CASTOR2: variants seen among roughly 807,000 people sequenced by gnomAD.
CASTOR2 encodes cytosolic arginine sensor for mTORC1 subunit 2.
CASTOR2 carries 8 observed loss-of-function variants against 31.2 expected under a neutral mutation model. That is an observed-to-expected ratio of 0.26 (90% CI 0.15 to 0.46). The LOEUF is 0.46. Among genes scored for constraint, CASTOR2 ranks in the 20% least tolerant of loss-of-function variants. CASTOR2 has a pLI of 0.99. For missense variants in CASTOR2, 216 were observed against 382.1 expected (o/e 0.57, Z 3.62); for synonymous variants, 162 against 158.7 (o/e 1.02, Z -0.16).
intron 1 of CASTOR2, among the ~76,000 whole-genome samples, chr7:75,006,846 GC>G (rs1210977859): frequency 1.5e-5 from 1 of 68,060 alleles, no homozygotes; most frequent in Admixed American, 1.6e-4. Flanking sequence ...GAGCACCCCC[GC>G]CCCCCCAGCC....
At chr7:75,016,101 G>A (rs1804858017) in intron 2 of CASTOR2, among the ~76,000 whole-genome samples, 3 of 152,232 alleles carry the variant, frequency 2.0e-5, no homozygotes, top group Admixed American at 2.0e-4. Flanking sequence ...GGGATGCAGT[G>A]TCAGAGTTCA....
chr7:75,010,132 C>T lies in CASTOR2; in HGVS notation c.184+2068C>T, dbSNP rs587692530. Among the ~76,000 whole-genome samples the T allele has an allele frequency of 6.4e-4, 98 of 152,106 alleles. 1 individual carries two copies. Among genetic ancestry groups the T allele is most frequent in the Non-Finnish European group, 1.1e-3 (76 of 68,014 alleles). ...GGTTAGAAGCAGCATGGGGAGACTTCTGCAGCATGGTCCTTTCTGGGGGCT... is the reference window on the plus strand; with the variant it reads ...GGTTAGAAGCAGCATGGGGAGACTTTTGCAGCATGGTCCTTTCTGGGGGCT... On this transcript the variant is annotated intron_variant, in intron 2 of 8. Transcript: ENST00000616305.
chr7:74,996,716 T>C (rs1424531157), intron 1 of CASTOR2, among the ~76,000 whole-genome samples: 8 of 49,334 alleles, frequency 1.6e-4, no homozygotes, highest in Non-Finnish European at 2.6e-4. Context: ...TGCCTGGTGC[T>C]TTTTTTTTTT....
chr7:74,978,104 ATTT>A (rs4029892), intron 1 of CASTOR2, among the ~76,000 whole-genome samples: 3 of 137,022 alleles, frequency 2.2e-5, no homozygotes, highest in African/African-American at 2.7e-5. Flanking sequence ...GCACACCCCA[ATTT>A]TTTTTTTTTT....
At chr7:75,013,198 A>G (rs1440912626) in intron 2 of CASTOR2, among the ~76,000 whole-genome samples, 9 of 152,266 alleles carry the variant, frequency 5.9e-5, no homozygotes, top group South Asian at 2.1e-4. Flanking sequence ...CACTCTTAAC[A>G]TGAGCCAGGG....
chr7:74,976,542 TCCTCCTC>T (rs1803813680), intron 1 of CASTOR2, among the ~76,000 whole-genome samples: 1 of 139,096 alleles, frequency 7.2e-6, no homozygotes, highest in African/African-American at 2.7e-5. Flanking sequence ...CTCCTCCTCC[TCCTCCTC>T]CTCCTCCTCC....
chr7:75,023,600 C>T (rs1036898461), intron 7 of CASTOR2, among the ~76,000 whole-genome samples: 9 of 151,718 alleles, frequency 5.9e-5, no homozygotes, highest in African/African-American at 1.7e-4. Flanking sequence ...CCACCACGCC[C>T]GGCTAATTCT....
At chr7:75,000,961 C>G (rs1804480334) in intron 1 of CASTOR2, among the ~76,000 whole-genome samples, 1 of 152,218 alleles carries the variant, frequency 6.6e-6, no homozygotes, top group South Asian at 2.1e-4. Context: ...CCGCACCCGG[C>G]AGGCCAGGCC....
At chr7:75,009,871 A>C (rs1331634751) in intron 2 of CASTOR2, among the ~76,000 whole-genome samples, 1 of 148,404 alleles carries the variant, frequency 6.7e-6, no homozygotes, top group Non-Finnish European at 1.5e-5. Flanking sequence ...TCTACCTGGC[A>C]TGCAGGCACT....
In CASTOR2 at chr7:75,028,255, A is replaced by G. The variant is rs1238557600; in HGVS notation, c.*3556A>G. On this transcript the variant is annotated 3_prime_UTR_variant, in exon 9 of 9. Transcript: ENST00000616305. Reference sequence around the variant, plus strand: ...CCTACATTGGCCTCCCAAGTAGGTGAGATTACAGGCACTCACCACCACACG... The same window carrying G: ...CCTACATTGGCCTCCCAAGTAGGTGGGATTACAGGCACTCACCACCACACG... Among the ~76,000 whole-genome samples, 3 of 151,466 alleles carry G rather than the reference A, an allele frequency of 2.0e-5. No individual in the cohort carries two copies. Among genetic ancestry groups the G allele is most frequent in the Non-Finnish European group, 2.9e-5 (2 of 67,960 alleles).
chr7:74,985,470 A>G (rs1468320082), intron 1 of CASTOR2, among the ~76,000 whole-genome samples: 7 of 148,778 alleles, frequency 4.7e-5, no homozygotes, highest in Non-Finnish European at 8.9e-5. Flanking sequence ...AGTGCCAACT[A>G]TTCTGGAGGC....
chr7:75,024,847 C>A lies in CASTOR2; in HGVS notation c.*148C>A. 6.5e-7 allele frequency: 1 copy of A among 1,541,822 alleles called. No homozygotes were observed. The highest frequency in any genetic ancestry group is 1.4e-5 in the African/African-American group (1 of 72,920). ...TGGGAGACTCCCTCGATTGCCAATC[C>A]CTCCAGGGCAGGGGCCCACGCCAAG... On this transcript the variant is annotated 3_prime_UTR_variant, in exon 9 of 9. Transcript: ENST00000616305.
At chr7:74,999,177 A>AT (rs1447060663) in intron 1 of CASTOR2, among the ~76,000 whole-genome samples, 1 of 151,086 alleles carries the variant, frequency 6.6e-6, no homozygotes, top group Admixed American at 6.6e-5. Context: ...TTGTATTTTT[A>AT]TTTTTATTTT....
chr7:74,983,071 C>T (rs1431967083), intron 1 of CASTOR2, among the ~76,000 whole-genome samples: 9 of 44,460 alleles, frequency 2.0e-4, no homozygotes, highest in African/African-American at 9.0e-4. Context: ...AGTGCAGTGG[C>T]GCAATCTCAG....
chr7:75,026,189 G>GTTTTTTTTTTT lies in CASTOR2; in HGVS notation c.*1497_*1507dup, dbSNP rs879121750. 1.7e-4 allele frequency among the ~76,000 whole-genome samples: 20 copies of GTTTTTTTTTTT among 117,738 alleles called. No homozygotes were observed. Among genetic ancestry groups the GTTTTTTTTTTT allele is most frequent in the Non-Finnish European group, 2.5e-4 (14 of 56,718 alleles). 77.2% of individuals were successfully genotyped at this position (117,738 alleles called of 152,430 possible). On this transcript the variant is annotated 3_prime_UTR_variant, in exon 9 of 9. Coordinates refer to ENST00000616305, the MANE Select transcript of CASTOR2 (RefSeq NM_001145064.3). The stretch of plus-strand genomic sequence containing the variant: ...CCCTGTGGTTTTGGCTCTGGCGGGG[G>GTTTTTTTTTTT]TTTTTTTTTTTTTTTTTGAGATGGG...
At chr7:74,975,958 A>G (rs1449184382) in intron 1 of CASTOR2, among the ~76,000 whole-genome samples, 1 of 149,840 alleles carries the variant, frequency 6.7e-6, no homozygotes, top group Non-Finnish European at 1.5e-5. Context: ...CCCACCCCCA[A>G]CCGGCAGAGC....
rs10954685 is a variant in CASTOR2 at position 74,991,996 on chromosome 7, A to G, written c.114-15998A>G. 6.7e-4 allele frequency among the ~76,000 whole-genome samples: 102 copies of G among 152,140 alleles called. 1 individual carries two copies. The highest frequency in any genetic ancestry group is 2.4e-3 in the African/African-American group (101 of 41,506). On this transcript the variant is annotated intron_variant, in intron 1 of 8. Coordinates refer to ENST00000616305, the MANE Select transcript of CASTOR2 (RefSeq NM_001145064.3). ...ACAGGGTCTCAGGAGACCCAGGAAG[A>G]GGCTTGGAAGATGACAGCAGGGATG... is the stretch of plus-strand genomic sequence containing the variant.
chr7:75,014,419 C>CAAAAAAAAAAAAAAA (rs1193842037), intron 2 of CASTOR2, among the ~76,000 whole-genome samples: 2 of 57,556 alleles, frequency 3.5e-5, no homozygotes, highest in African/African-American at 1.1e-4. Context: ...ACTAAAAATA[C>CAAAAAAAAAAAAAAA]AAAAAAAAAA....
At chr7:74,975,968 CG>C (rs1185260903) in intron 1 of CASTOR2, among the ~76,000 whole-genome samples, 1 of 150,166 alleles carries the variant, frequency 6.7e-6, no homozygotes, top group Non-Finnish European at 1.5e-5. Flanking sequence ...ACCGGCAGAG[CG>C]GGGCTTTGAA....
Sources: gnomAD v4.1 joint callset for allele counts (sites outside exome capture counted in the v4.1 genomes callset) on GRCh38, gnomAD v4.1.1 for gene constraint, MANE v1.5 for transcripts, NCBI Gene and HGNC (gene_info 2026-07-23, HGNC 2026-07-21) for gene names.